Variants in MACF1 observed in about 807,000 individuals in gnomAD.
MACF1 encodes the protein microtubule-actin cross-linking factor 1.
MACF1 carries 193 observed loss-of-function variants against 854.8 expected under a neutral mutation model. That is an observed-to-expected ratio of 0.23 (90% CI 0.20 to 0.25). MACF1 has a LOEUF of 0.25. Among genes scored for constraint, MACF1 ranks in the 10% least tolerant of loss-of-function variants. MACF1 has a pLI of 1.00. For synonymous variants in MACF1, 3,185 were observed against 3,226.7 expected, an observed-to-expected ratio of 0.99 and a Z score of 0.44; for missense variants, 7,722 against 8,929.1, an observed-to-expected ratio of 0.86 and a Z score of 5.45.
At chr1:39,359,491 A>G (rs926382015) in intron 47 of MACF1, among the ~76,000 whole-genome samples, 8 of 152,176 alleles carry the variant, frequency 5.3e-5, no homozygotes, top group African/African-American at 1.9e-4. Context: ...TTTTCCCCAG[A>G]CATCTATCTT....
At chr1:39,431,026 T>A in intron 66 of MACF1, 118 bp downstream of exon 66, 1 of 931,150 alleles carries the variant, frequency 1.1e-6, no homozygotes, top group Non-Finnish European at 1.7e-6. Flanking sequence ...CTAAATCTGG[T>A]GGAATAAATA....
chr1:39,204,966 A>C lies in MACF1; in HGVS notation c.-57A>C. 5 of 701,008 alleles carry C rather than the reference A, an allele frequency of 7.1e-6. 1 individual carries two copies. The South Asian group carries it at 7.4e-5, about 10-fold the overall frequency. 43.4% of individuals were successfully genotyped at this position (701,008 alleles called of 1,614,324 possible). A position where few individuals can be genotyped will look rare whatever the true frequency, so the allele number is the denominator to read the frequency against. ...CAGTAACCTCAGGAGAAAGGCATCC[A>C]GAGGCCTGCGCTGAGCTTGTGGCTA... is the stretch of plus-strand genomic sequence containing the variant. On this transcript the variant is annotated 5_prime_UTR_variant, in exon 1 of 101. Coordinates refer to ENST00000564288, the MANE Select transcript of MACF1 (RefSeq NM_001394062.1).
At chr1:39,359,797 C>T (rs1206108181) in intron 47 of MACF1, among the ~76,000 whole-genome samples, 4 of 150,396 alleles carry the variant, frequency 2.7e-5, no homozygotes, top group East Asian at 3.9e-4. Context: ...GATGAAACCC[C>T]GTCTCTACTA....
chr1:39,288,083 T>G (rs186297725), intron 15 of MACF1, among the ~76,000 whole-genome samples: 1 of 152,364 alleles, frequency 6.6e-6, no homozygotes, highest in East Asian at 1.9e-4. Flanking sequence ...ACATGAGATA[T>G]TTTGATACAG....
intron 58 of MACF1, among the ~76,000 whole-genome samples, chr1:39,417,102 G>A (rs1034474690): frequency 5.9e-5 from 9 of 152,210 alleles, no homozygotes; most frequent in African/African-American, 2.2e-4. Context: ...AAGTGATTTA[G>A]CATGAACTGA....
intron 33 of MACF1, among the ~76,000 whole-genome samples, chr1:39,323,916 T>A (rs545513181): frequency 2.0e-5 from 3 of 152,208 alleles, no homozygotes; most frequent in African/African-American, 7.2e-5. Flanking sequence ...GAGATTTTTT[T>A]AAAAAGCATC....
Position 39,447,507 on chromosome 1 carries a change from C to G in MACF1, c.19681C>G (p.Leu6561Val), listed in dbSNP as rs766335703. The change falls in exon 81 of 101, where the codon CTA (leucine) becomes GTA (valine). Residue 6561 changes from leucine to valine, a missense_variant. Transcript: ENST00000564288. ...ACAAGAATTTATCAACTGGCTCACT[C>G]TAGCAGAGCAGAGTTTAAACATCGC... ...SLQEFINWLT[L>V]AEQSLNIASP... 8 of 1,614,020 alleles carry G rather than the reference C, an allele frequency of 5.0e-6. No homozygotes were observed. Among genetic ancestry groups the G allele is most frequent in the African/African-American group, 1.3e-5 (1 of 74,916 alleles).
At chr1:39,297,089 AATTTTTTTGT>A (rs1012040353) in intron 20 of MACF1, among the ~76,000 whole-genome samples, 4 of 151,764 alleles carry the variant, frequency 2.6e-5, no homozygotes, top group African/African-American at 9.7e-5. Flanking sequence ...ACGCCCGGCT[AATTTTTTTGT>A]ATTTTTTTAG....
intron 58 of MACF1, among the ~76,000 whole-genome samples, chr1:39,418,749 G>A (rs764711769): frequency 1.4e-4 from 21 of 152,084 alleles, no homozygotes; most frequent in Admixed American, 9.2e-4. Flanking sequence ...TGTAGTCCCC[G>A]TTACTTGAGA....
At chr1:39,266,787 C>T (rs1161683577) in intron 6 of MACF1, among the ~76,000 whole-genome samples, 2 of 151,836 alleles carry the variant, frequency 1.3e-5, no homozygotes, top group African/African-American at 4.8e-5. Context: ...CCATTCACAG[C>T]CCTTTGGGTT....
chr1:39,440,890 C>T (rs2148664474), intron 72 of MACF1, 113 bp from the exon 73 acceptor site: 2 of 1,008,228 alleles, frequency 2.0e-6, no homozygotes. Flanking sequence ...ATAAGTGAAA[C>T]TGACAGTTAT....
In MACF1 at chr1:39,357,680, C is replaced by T. The variant is rs369806786; in HGVS notation, c.11730C>T (p.Pro3910=). 4 of 1,614,086 alleles carry T rather than the reference C, an allele frequency of 2.5e-6. No homozygotes were observed. Among genetic ancestry groups the T allele is most frequent in the Middle Eastern group, 3.3e-4 (2 of 6,060 alleles). ...LENMHKGGSS[P]ETLPSLLKRQ... Reference sequence around the variant, plus strand: ...ACATGCATAAGGGAGGCAGCAGCCCCGAGACCCTTCCCTCCCTGCTAAAGC... The same window carrying T: ...ACATGCATAAGGGAGGCAGCAGCCCTGAGACCCTTCCCTCCCTGCTAAAGC... Residue 3910 remains proline, a synonymous_variant, in exon 45 of 101, where the codon CCC becomes CCT. Transcript: ENST00000564288.
At chr1:39,412,076 T>C (rs778114769) in intron 58 of MACF1, 2 of 1,614,038 alleles carry the variant, frequency 1.2e-6, no homozygotes, top group Non-Finnish European at 1.7e-6. Flanking sequence ...GGAGGACTGC[T>C]GAACTCTGAT....
intron 89 of MACF1, 165 bp from the exon 90 acceptor site, chr1:39,458,205 C>A (rs1463894437): frequency 1.7e-6 from 1 of 602,948 alleles, no homozygotes; most frequent in Admixed American, 3.0e-5. Flanking sequence ...TTGGAGGGGA[C>A]AAATATCCAA....
chr1:39,118,619 G>A (rs1265607035), intron 2 of MACF1, among the ~76,000 whole-genome samples: 1 of 152,174 alleles, frequency 6.6e-6, no homozygotes, highest in Non-Finnish European at 1.5e-5. Flanking sequence ...TTATCCTGTG[G>A]GAAGTACCTG....
At chr1:39,132,038 A>G (rs1643018404) in intron 2 of MACF1, among the ~76,000 whole-genome samples, 1 of 152,188 alleles carries the variant, frequency 6.6e-6, no homozygotes, top group African/African-American at 2.4e-5. Context: ...TGGACAAGGC[A>G]CTGTGACCTT....
intron 1 of MACF1, among the ~76,000 whole-genome samples, chr1:39,209,981 TTGGGAGGC>T (rs1187318647): frequency 1.3e-5 from 2 of 151,872 alleles, no homozygotes; most frequent in Non-Finnish European, 2.9e-5. Flanking sequence ...TCCCAGCTAC[TTGGGAGGC>T]TGAGGTGGGA....
chr1:39,176,109 C>CAAAAAAAAAAAAAA (rs773763271), intron 2 of MACF1, among the ~76,000 whole-genome samples: 14 of 13,344 alleles, frequency 1.0e-3, no homozygotes, highest in African/African-American at 1.5e-3. Context: ...GACTCCTTCT[C>CAAAAAAAAAAAAAA]AAAAAAAAAA....
intron 23 of MACF1, 29 bp downstream of exon 23, chr1:39,303,107 C>G: frequency 1.9e-6 from 3 of 1,607,894 alleles, no homozygotes; most frequent in Non-Finnish European, 2.6e-6. Flanking sequence ...CACTGGTACA[C>G]CCACCTCTGC....
Sources: gnomAD v4.1 joint callset for allele counts (sites outside exome capture counted in the v4.1 genomes callset) on GRCh38, gnomAD v4.1.1 for gene constraint, MANE v1.5 for transcripts, NCBI Gene and HGNC (gene_info 2026-07-23, HGNC 2026-07-21) for gene names.